GAGE1: variants seen among roughly 807,000 people sequenced by gnomAD.
GAGE1 encodes the protein G antigen 4.
GAGE1 carries 5 observed loss-of-function variants against 5.0 expected under a neutral mutation model. The ratio of observed to expected loss-of-function variants is 1.00; its 90% confidence interval spans 0.52 to 2.11. The LOEUF is 2.11. GAGE1 is among the 30% of genes most tolerant of loss of function. The probability of loss-of-function intolerance (pLI) is 0.01; values close to 1 mark genes in which losing one functional copy is unlikely to be tolerated. For missense variants in GAGE1, 9 were observed against 38.9 expected (o/e 0.23, Z 2.04); for synonymous variants, 6 against 14.8 (o/e 0.40, Z 1.37).
chrX:49,604,830 C>A (rs1463840079), intron 4 of GAGE1, among the ~76,000 whole-genome samples: 4 of 111,792 alleles, frequency 3.6e-5, no homozygotes, highest in African/African-American at 1.3e-4. Flanking sequence ...TTGTTTGCGA[C>A]GGAGTCTCAG....
intron 4 of GAGE1, among the ~76,000 whole-genome samples, chrX:49,604,483 G>T (rs1185700573): frequency 1.8e-5 from 2 of 112,171 alleles, no homozygotes; most frequent in African/African-American, 6.5e-5. Context: ...GAGATTCTGA[G>T]TGAGTCCTTT....
rs1557132274 is a variant in GAGE1, at chrX:49,606,827, G to A, written c.*812G>A. ...AAAGTGAGCGGGCACTCTGCTTCATGTTTACTTTTGTCATGTTGCATGAAA... is the reference window on the plus strand; with the variant it reads ...AAAGTGAGCGGGCACTCTGCTTCATATTTACTTTTGTCATGTTGCATGAAA... On this transcript the variant is annotated 3_prime_UTR_variant, in exon 5 of 5. Transcript: ENST00000381700. The A allele has an allele frequency of 8.9e-6, 1 of 111,992 alleles. No individual in the cohort carries two copies. Among genetic ancestry groups the A allele is most frequent in the African/African-American group, 3.2e-5 (1 of 30,870 alleles). The allele number at this position is 111,992 out of a possible 1,213,427, so 9.2% of individuals were successfully genotyped here. A position where few individuals can be genotyped will look rare whatever the true frequency, so the allele number is the denominator to read the frequency against.
intron 4 of GAGE1, among the ~76,000 whole-genome samples, chrX:49,605,300 C>T (rs1453365975): frequency 8.9e-6 from 1 of 112,019 alleles, no homozygotes; most frequent in Non-Finnish European, 1.9e-5. Context: ...ATGTAAATTT[C>T]AGCTTTAGAG....
At chrX:49,605,167 G>T (rs1221143293) in intron 4 of GAGE1, 3 of 985,035 alleles carry the variant, frequency 3.0e-6, no homozygotes, top group Non-Finnish European at 4.0e-6. Context: ...CAGCATGGGT[G>T]TGAGTAAGAT....
chrX:49,604,443 G>T (rs1361465546), intron 4 of GAGE1, among the ~76,000 whole-genome samples: 9 of 112,459 alleles, frequency 8.0e-5, no homozygotes, highest in African/African-American at 2.9e-4. Flanking sequence ...CACTCATGCG[G>T]GTTCTAATAT....
chrX:49,605,943 A>G (rs1195664135), intron 4 of GAGE1, 50 bp from the exon 5 acceptor site: 21 of 764,194 alleles, frequency 2.7e-5, no homozygotes, highest in Non-Finnish European at 3.7e-5. Flanking sequence ...AATAATAATA[A>G]TAATAATCTG....
chrX:49,605,197 C>T (rs1462282896), intron 4 of GAGE1: 3 of 887,847 alleles, frequency 3.4e-6, no homozygotes, highest in South Asian at 4.8e-5. Flanking sequence ...ATGCATGCTC[C>T]CTGCCCCACT....
At chrX:49,605,090 A>G in intron 4 of GAGE1, 1 of 1,018,982 alleles carries the variant, frequency 9.8e-7, no homozygotes, top group Non-Finnish European at 1.3e-6. Flanking sequence ...ACCTTGAGTG[A>G]CTGAAATATC....
At chrX:49,605,255 A>G (rs1432943860) in intron 4 of GAGE1, 2 of 629,060 alleles carry the variant, frequency 3.2e-6, no homozygotes, top group East Asian at 8.0e-5. Context: ...AGACACACAT[A>G]TGATATAATC....
intron 4 of GAGE1, among the ~76,000 whole-genome samples, chrX:49,604,014 A>T (rs1423855169): frequency 8.9e-6 from 1 of 112,601 alleles, no homozygotes; most frequent in Non-Finnish European, 1.9e-5. Context: ...CGCCGTGCCC[A>T]GCTAATTGTT....
chrX:49,605,089 G>C, intron 4 of GAGE1: 42 of 1,018,975 alleles, frequency 4.1e-5, no homozygotes, highest in Non-Finnish European at 5.3e-5. Flanking sequence ...AACCTTGAGT[G>C]ACTGAAATAT....
rs1439744372 is a variant in GAGE1, at chrX:49,605,194, C to G, written c.332-799C>G. The G allele has an allele frequency of 7.8e-6, 7 of 895,493 alleles. No homozygotes were observed. In the African/African-American group the frequency reaches 1.2e-4, roughly 15 times the overall value. The allele number at this position is 895,493 out of a possible 1,213,427, so 73.8% of individuals were successfully genotyped here. On this transcript the variant is annotated intron_variant, in intron 4 of 4. Transcript: ENST00000381700. Reference sequence around the variant, plus strand: ...GAGTAAGATGCCTGTGCTATGCATGCTCCCTGCCCCACTGTCAGTCTTGAT... The same window carrying G: ...GAGTAAGATGCCTGTGCTATGCATGGTCCCTGCCCCACTGTCAGTCTTGAT...
At chrX:49,604,831 G>A (rs1175986956) in intron 4 of GAGE1, among the ~76,000 whole-genome samples, 8 of 111,759 alleles carry the variant, frequency 7.2e-5, no homozygotes, top group Admixed American at 4.7e-4. Flanking sequence ...TGTTTGCGAC[G>A]GAGTCTCAGT....
chrX:49,602,820 C>CT (rs782637326), intron 3 of GAGE1, among the ~76,000 whole-genome samples: 26 of 79,275 alleles, frequency 3.3e-4, no homozygotes, highest in Admixed American at 8.7e-4. Flanking sequence ...TTCTTTTTTC[C>CT]TTTTTTTTTT....
chrX:49,604,440 G>T (rs1448561629), intron 4 of GAGE1, among the ~76,000 whole-genome samples: 1 of 112,521 alleles, frequency 8.9e-6, no homozygotes, highest in Non-Finnish European at 1.9e-5. Context: ...AAGCACTCAT[G>T]CGGGTTCTAA....
At chrX:49,604,933 G>C (rs2066644102) in intron 4 of GAGE1, 1 of 449,923 alleles carries the variant, frequency 2.2e-6, no homozygotes, top group South Asian at 2.8e-5. Flanking sequence ...TCAGCCTCCT[G>C]AGTGGCTGGA....
chrX:49,605,369 C>G (rs1187723237), intron 4 of GAGE1, among the ~76,000 whole-genome samples: 1 of 112,325 alleles, frequency 8.9e-6, no homozygotes, highest in East Asian at 2.8e-4. Flanking sequence ...CCTGAGTAAT[C>G]AACTGAAGTA....
rs1280754125 is a variant in GAGE1 at position 49,607,295 on chromosome X, G to A, written c.*1280G>A. 1 of 111,975 alleles carries A rather than the reference G, an allele frequency of 8.9e-6. No homozygotes were observed. Among genetic ancestry groups the A allele is most frequent in the Non-Finnish European group, 1.9e-5 (1 of 53,218 alleles). The allele number at this position is 111,975 out of a possible 1,213,427, so 9.2% of individuals were successfully genotyped here. A position where few individuals can be genotyped will look rare whatever the true frequency, so the allele number is the denominator to read the frequency against. On this transcript the variant is annotated 3_prime_UTR_variant, in exon 5 of 5. Coordinates refer to ENST00000381700, the MANE Select transcript of GAGE1 (RefSeq NM_001040663.4). Reference sequence around the variant, plus strand: ...TTTGTACATTTAAACCAACAATTTGGTCATGGGTAATCTATGTCCTAATAA... The same window carrying A: ...TTTGTACATTTAAACCAACAATTTGATCATGGGTAATCTATGTCCTAATAA...
chrX:49,605,090 A>T (rs1569532275), intron 4 of GAGE1: 5 of 1,018,983 alleles, frequency 4.9e-6, no homozygotes, highest in Admixed American at 2.5e-5. Flanking sequence ...ACCTTGAGTG[A>T]CTGAAATATC....
Sources: allele counts gnomAD v4.1 joint callset (sites outside exome capture counted in the v4.1 genomes callset), GRCh38; gene constraint gnomAD v4.1.1; transcripts MANE v1.5; gene names NCBI Gene and HGNC (gene_info 2026-07-23, HGNC 2026-07-21).